Variants in MFN1 observed in about 807,000 individuals in gnomAD.
MFN1 encodes mitofusin 1, also known as mitofusin-1.
In MFN1, 65 loss-of-function variants were observed where a neutral mutation model predicts 92.4. The observed-to-expected ratio is 0.70, with a 90% CI of 0.58 to 0.86. The LOEUF (loss-of-function observed/expected upper bound fraction) is 0.86, where lower values mean the gene tolerates loss of function less well. MFN1 is among the 40% of genes least tolerant of loss of function. MFN1 has a pLI of 0.00. For synonymous variants in MFN1, 297 were observed against 300.9 expected, an observed-to-expected ratio of 0.99 and a Z score of 0.13; for missense variants, 781 against 868.0, an observed-to-expected ratio of 0.90 and a Z score of 1.26.
intron 3 of MFN1, among the ~76,000 whole-genome samples, chr3:179,358,113 G>A (rs929209115): frequency 1.3e-5 from 2 of 150,112 alleles, no homozygotes; most frequent in Admixed American, 1.3e-4. Context: ...TGTCTTTTAT[G>A]ACCTAGTCTT....
chr3:179,348,317 T>C (rs1712001543), intron 1 of MFN1, among the ~76,000 whole-genome samples: 1 of 152,270 alleles, frequency 6.6e-6, no homozygotes, highest in Non-Finnish European at 1.5e-5. Flanking sequence ...CACCTATGCT[T>C]TCTTAAACTT....
chr3:179,385,474 C>A, intron 14 of MFN1, 95 bp from the exon 15 acceptor site: 1 of 1,139,474 alleles, frequency 8.8e-7, no homozygotes, highest in East Asian at 2.6e-5. Flanking sequence ...TAATTTTTCC[C>A]TCATAGATGT....
intron 9 of MFN1, 42 bp from the exon 10 acceptor site, chr3:179,375,178 G>T: frequency 6.6e-7 from 1 of 1,507,150 alleles, no homozygotes; most frequent in Non-Finnish European, 8.9e-7. Flanking sequence ...AAAATGTTGC[G>T]ATGGAATTAC....
rs1491194357 is a variant in MFN1, at chr3:179,394,876, AAT to A, written c.*2818_*2819del. On this transcript the variant is annotated 3_prime_UTR_variant, in exon 18 of 18. Coordinates refer to ENST00000471841, the MANE Select transcript of MFN1 (RefSeq NM_033540.3). ...AAACTTTGTATAATCTTTTTACAAA[AAT>A]TTTTTTTCAGTATGCAAGCTTGCAA... 1 of 152,180 alleles carries A rather than the reference AAT, an allele frequency of 6.6e-6. No individual in the cohort carries two copies. The highest frequency in any genetic ancestry group is 1.5e-5 in the Non-Finnish European group (1 of 68,028). The allele number at this position is 152,180 out of a possible 1,614,324, so 9.4% of individuals were successfully genotyped here.
At chr3:179,359,110 G>T (rs1347490932) in intron 4 of MFN1, 108 bp downstream of exon 4, 18 of 1,191,618 alleles carry the variant, frequency 1.5e-5, no homozygotes, top group Non-Finnish European at 1.9e-5. Flanking sequence ...CTTATAAAAA[G>T]AACTGTTAAT....
chr3:179,354,667 G>A (rs1038708992), intron 3 of MFN1, among the ~76,000 whole-genome samples: 3 of 152,192 alleles, frequency 2.0e-5, no homozygotes, highest in Admixed American at 6.5e-5. Flanking sequence ...GATCAGTCCC[G>A]AGAACTGCTG....
chr3:179,385,864 G>A (rs1480136574), intron 15 of MFN1, 143 bp downstream of exon 15: 4 of 751,330 alleles, frequency 5.3e-6, no homozygotes, highest in African/African-American at 1.8e-5. Flanking sequence ...TAAAAGTAGT[G>A]AATTAAATAT....
rs1258996054 is a variant in MFN1 at position 179,375,345 on chromosome 3, T to C, written c.1097+4T>C. 1.2e-6 allele frequency: 2 copies of C among 1,610,438 alleles called. No homozygotes were observed. The highest frequency in any genetic ancestry group is 1.1e-5 in the South Asian group (1 of 90,316). On this transcript the variant is annotated splice_donor_region_variant and intron_variant, in intron 10 of 17. Transcript: ENST00000471841. ...ACCTGGCAGCTGAAGATAAAAGGTA[T>C]GAGTTCATTTTGTTGCAACATAAAA...
chr3:179,377,276 A>G lies in MFN1; in HGVS notation c.1225-68A>G, dbSNP rs6763932. 641 of 1,527,516 alleles carry G rather than the reference A, an allele frequency of 4.2e-4. 1 individual carries two copies. In the African/African-American group the frequency reaches 8.0e-3, roughly 19 times the overall value. The allele number at this position is 1,527,516 out of a possible 1,614,324, so 94.6% of individuals were successfully genotyped here. ...TAAAAGAATGTTTTCAGATTTTTCA[A>G]TTTAATTTTTTTGAATAATTGATAA... On this transcript the variant is annotated intron_variant, in intron 11 of 17. Coordinates refer to ENST00000471841, the MANE Select transcript of MFN1 (RefSeq NM_033540.3).
chr3:179,367,470 A>G lies in MFN1; in HGVS notation c.785A>G (p.His262Arg), dbSNP rs1489956495. The G allele has an allele frequency of 1.9e-6, 3 of 1,612,326 alleles. No individual in the cohort carries two copies. Among genetic ancestry groups the G allele is most frequent in the African/African-American group, 1.3e-5 (1 of 74,602 alleles). ...VRRQHMERCLHFLVEELKVVN... is the reference protein window; with the variant it reads ...VRRQHMERCLRFLVEELKVVN... ...AGACAGCACATGGAAAGATGCCTGCATTTCTTGGTGGAGGAGCTCAAAGTT... is the reference window on the plus strand; with the variant it reads ...AGACAGCACATGGAAAGATGCCTGCGTTTCTTGGTGGAGGAGCTCAAAGTT... Residue 262 changes from histidine to arginine, a missense_variant, in exon 8 of 18, where the codon CAT (histidine) becomes CGT (arginine). By Grantham distance (29) the His-to-Arg change is conservative. Coordinates refer to ENST00000471841, the MANE Select transcript of MFN1 (RefSeq NM_033540.3).
rs1468595068 is a variant in MFN1 at position 179,377,371 on chromosome 3, TG to T, written c.1253del (p.Cys418PhefsTer21). 1.2e-6 allele frequency: 2 copies of T among 1,609,442 alleles called. No homozygotes were observed. The highest frequency in any genetic ancestry group is 1.7e-6 in the Non-Finnish European group (2 of 1,178,418). ...KVSCAMTDEI[C>X]RLSVLVDEFC... Reference sequence around the variant, plus strand: ...TTCATGTGCAATGACAGATGAAATTTGTCGACTGTCTGTTTTGGTTGATGAA... The same window carrying T: ...TTCATGTGCAATGACAGATGAAATTTTCGACTGTCTGTTTTGGTTGATGAA... On this transcript the variant is annotated frameshift_variant, in exon 12 of 18. Transcript: ENST00000471841. LOFTEE classifies it high-confidence loss of function.
At chr3:179,365,579 A>G (rs947438514) in intron 7 of MFN1, among the ~76,000 whole-genome samples, 2 of 152,270 alleles carry the variant, frequency 1.3e-5, no homozygotes, top group South Asian at 2.1e-4. Flanking sequence ...AAATTTTACA[A>G]ATTTAACACA....
chr3:179,357,104 G>A (rs1712374845), intron 3 of MFN1, among the ~76,000 whole-genome samples: 1 of 152,114 alleles, frequency 6.6e-6, no homozygotes, highest in African/African-American at 2.4e-5. Flanking sequence ...TCTGTGGGGG[G>A]TCTTCAAACT....
At chr3:179,388,909 G>C (rs1223408812) in intron 16 of MFN1, among the ~76,000 whole-genome samples, 1 of 152,208 alleles carries the variant, frequency 6.6e-6, no homozygotes, top group Non-Finnish European at 1.5e-5. Context: ...ATAGCAGGAT[G>C]TGGCCTTGTC....
At chr3:179,349,744 A>G (rs895596031) in intron 2 of MFN1, among the ~76,000 whole-genome samples, 6 of 150,900 alleles carry the variant, frequency 4.0e-5, no homozygotes, top group African/African-American at 1.5e-4. Flanking sequence ...TCCTGACCCC[A>G]TGATCACCTC....
rs1249360287 is a variant in MFN1, at chr3:179,377,150, CGAG to C, written c.1211_1213del (p.Glu404del). The C allele has an allele frequency of 6.2e-7, 1 of 1,613,138 alleles. No individual in the cohort carries two copies. Among genetic ancestry groups the C allele is most frequent in the Non-Finnish European group, 8.5e-7 (1 of 1,179,728 alleles). On this transcript the variant is annotated inframe_deletion, in exon 11 of 18. Coordinates refer to ENST00000471841, the MANE Select transcript of MFN1 (RefSeq NM_033540.3). ...TTAAGAAAAAAATCAAGGAGGTTAC[CGAG>C]GAGGTGGCAAACAAAGTGGGTAACA...
chr3:179,378,672 T>G lies in MFN1; in HGVS notation c.1520T>G (p.Leu507Arg), dbSNP rs552520491. ...AAGAAATTTGATCTCAGTTATAATC[T>G]AAATTACCACAAGTTATGTTCAGAT... ...PCKKFDLSYN[L>R]NYHKLCSDFQ... Residue 507 changes from leucine to arginine, a missense_variant, in exon 14 of 18, where the codon CTA becomes CGA. Coordinates refer to ENST00000471841, the MANE Select transcript of MFN1 (RefSeq NM_033540.3). 4.3e-5 allele frequency: 70 copies of G among 1,613,894 alleles called. No individual in the cohort carries two copies. In the Middle Eastern group the frequency reaches 6.6e-4, roughly 15 times the overall value.
intron 9 of MFN1, among the ~76,000 whole-genome samples, chr3:179,372,782 A>G (rs1713074257): frequency 6.6e-6 from 1 of 152,204 alleles, no homozygotes; most frequent in South Asian, 2.1e-4. Flanking sequence ...GATCTGCTTC[A>G]TCGAGGAATA....
In MFN1 at chr3:179,348,998, T is replaced by C. The variant is rs185192604; in HGVS notation, c.112+35T>C. The C allele has an allele frequency of 7.1e-4, 1,091 of 1,528,420 alleles. 4 individuals carry two copies. In the Middle Eastern group the frequency reaches 0.011, roughly 15 times the overall value. 94.7% of individuals were successfully genotyped at this position (1,528,420 alleles called of 1,614,324 possible). ...TCTTAAGTTTTTAAAGTAATTACTG[T>C]TGAAAATATATAAAAGTGCTTATTC... On this transcript the variant is annotated intron_variant, in intron 2 of 17. Coordinates refer to ENST00000471841, the MANE Select transcript of MFN1 (RefSeq NM_033540.3).
Sources: gnomAD v4.1 joint callset for allele counts (sites outside exome capture counted in the v4.1 genomes callset) on GRCh38, gnomAD v4.1.1 for gene constraint, MANE v1.5 for transcripts, NCBI Gene and HGNC (gene_info 2026-07-23, HGNC 2026-07-21) for gene names.